The following GPR39 variants were observed in gnomAD, a reference collection of about 807,000 sequenced individuals.
The protein encoded by GPR39 is G protein-coupled receptor 39, also known as zinc sensing receptor.
GPR39 carries 23 observed loss-of-function variants against 18.4 expected under a neutral mutation model. That is an observed-to-expected ratio of 1.25 (90% CI 0.90 to 1.77). GPR39 has a LOEUF of 1.77. GPR39 is among the 40% of genes most tolerant of loss of function. GPR39 has a pLI of 0.00. For missense variants in GPR39, 647 were observed against 602.4 expected, an observed-to-expected ratio of 1.07 and a Z score of -0.78; for synonymous variants, 280 against 257.9, an observed-to-expected ratio of 1.09 and a Z score of -0.82.
At chr2:132,478,356 C>T (rs1681169048) in intron 1 of GPR39, among the ~76,000 whole-genome samples, 1 of 152,130 alleles carries the variant, frequency 6.6e-6, no homozygotes, top group Non-Finnish European at 1.5e-5. Flanking sequence ...GCAAAATAAT[C>T]CATTGATTCA....
intron 1 of GPR39, among the ~76,000 whole-genome samples, chr2:132,491,175 T>C (rs1681453227): frequency 1.3e-5 from 2 of 152,288 alleles, no homozygotes; most frequent in South Asian, 4.2e-4. Context: ...CTAAAAGTAT[T>C]GAACTGGAAC....
intron 1 of GPR39, among the ~76,000 whole-genome samples, chr2:132,535,218 T>G (rs1040434917): frequency 6.6e-6 from 1 of 152,182 alleles, no homozygotes; most frequent in African/African-American, 2.4e-5. Context: ...AAATAGCTCT[T>G]ATTATTTTGA....
At chr2:132,603,957 A>G (rs984737109) in intron 1 of GPR39, among the ~76,000 whole-genome samples, 1 of 152,106 alleles carries the variant, frequency 6.6e-6, no homozygotes, top group Admixed American at 6.5e-5. Context: ...ATGTATGTGC[A>G]CATTTGTGGA....
intron 1 of GPR39, among the ~76,000 whole-genome samples, chr2:132,463,181 C>A (rs1430604622): frequency 6.6e-6 from 1 of 152,064 alleles, no homozygotes; most frequent in Non-Finnish European, 1.5e-5. Context: ...AGAAGATAGG[C>A]AAGTATATAA....
chr2:132,620,544 C>T (rs1681423856), intron 1 of GPR39, among the ~76,000 whole-genome samples: 1 of 152,150 alleles, frequency 6.6e-6, no homozygotes, highest in Non-Finnish European at 1.5e-5. Flanking sequence ...CCCCTCCTTC[C>T]CCCCTGCGTG....
intron 1 of GPR39, among the ~76,000 whole-genome samples, chr2:132,491,775 A>T (rs1049871975): frequency 6.6e-6 from 1 of 151,944 alleles, no homozygotes; most frequent in South Asian, 2.1e-4. Context: ...CCTAGATTCC[A>T]GTCCTAGCTT....
At chr2:132,433,881 C>T (rs1249390222) in intron 1 of GPR39, 1 of 151,458 alleles carries the variant, frequency 6.6e-6, no homozygotes, top group Non-Finnish European at 1.5e-5. Context: ...GCTATAGACT[C>T]TAATATGATT....
chr2:132,599,739 G>C (rs1402435088), intron 1 of GPR39, among the ~76,000 whole-genome samples: 3 of 148,286 alleles, frequency 2.0e-5, no homozygotes, highest in African/African-American at 2.5e-5. Flanking sequence ...CGCCATCTCT[G>C]ATTTCTAGTG....
intron 1 of GPR39, among the ~76,000 whole-genome samples, chr2:132,601,439 C>T (rs932609554): frequency 2.0e-5 from 3 of 151,984 alleles, no homozygotes; most frequent in African/African-American, 7.2e-5. Context: ...CTCTAAAAAA[C>T]ATTAGGTATA....
At chr2:132,599,390 G>T (rs948368786) in intron 1 of GPR39, among the ~76,000 whole-genome samples, 1 of 152,156 alleles carries the variant, frequency 6.6e-6, no homozygotes, top group Non-Finnish European at 1.5e-5. Flanking sequence ...GCCCTATCCT[G>T]TTCTCTCTCC....
chr2:132,511,251 T>C (rs1325638297), intron 1 of GPR39, among the ~76,000 whole-genome samples: 3 of 152,216 alleles, frequency 2.0e-5, no homozygotes, highest in Non-Finnish European at 4.4e-5. Context: ...TTTATAACAC[T>C]TTGGAATTTA....
At chr2:132,519,268 T>TA (rs1395866305) in intron 1 of GPR39, among the ~76,000 whole-genome samples, 4 of 139,822 alleles carry the variant, frequency 2.9e-5, no homozygotes, top group African/African-American at 7.9e-5. Context: ...TGTGGCCTCA[T>TA]AAAAAAAGAA....
In GPR39 at chr2:132,595,028, CA is replaced by C. The variant is rs1680911598; in HGVS notation, c.857-50072del. On this transcript the variant is annotated intron_variant, in intron 1 of 1. Coordinates refer to ENST00000329321, the MANE Select transcript of GPR39 (RefSeq NM_001508.3). ...GTTTCCTTTTTTTGAGACAGAGTTT[CA>C]CTCTTATTGCTCAGGCTGGAGTGCA... Among the ~76,000 whole-genome samples the C allele has an allele frequency of 2.0e-5, 3 of 152,104 alleles. No homozygotes were observed. In the South Asian group the frequency reaches 6.2e-4, roughly 32 times the overall value.
chr2:132,591,439 C>A (rs1300039353), intron 1 of GPR39, among the ~76,000 whole-genome samples: 1 of 152,040 alleles, frequency 6.6e-6, no homozygotes, highest in Admixed American at 6.5e-5. Context: ...GACTCTTGGG[C>A]CACGGACTGA....
chr2:132,575,196 G>C (rs927600399), intron 1 of GPR39, among the ~76,000 whole-genome samples: 1 of 151,966 alleles, frequency 6.6e-6, no homozygotes, highest in Non-Finnish European at 1.5e-5. Flanking sequence ...GTAGTTTTAT[G>C]ACATATAAAA....
chr2:132,424,028 A>G (rs1298117017), intron 1 of GPR39, among the ~76,000 whole-genome samples: 1 of 152,210 alleles, frequency 6.6e-6, no homozygotes, highest in East Asian at 1.9e-4. Flanking sequence ...TGAAAGGGTT[A>G]TGATTCCTCT....
chr2:132,580,807 T>C lies in GPR39; in HGVS notation c.857-64294T>C, dbSNP rs1166366106. Among the ~76,000 whole-genome samples the C allele has an allele frequency of 2.6e-5, 4 of 151,548 alleles. No homozygotes were observed. In the East Asian group the frequency reaches 5.8e-4, roughly 22 times the overall value. On this transcript the variant is annotated intron_variant, in intron 1 of 1. Coordinates refer to ENST00000329321, the MANE Select transcript of GPR39 (RefSeq NM_001508.3). ...TGAAACCCTAACTCTGCTAAAATTA[T>C]AAAAATTTGCCGGGTGTGGTGGTGC...
chr2:132,529,885 A>G (rs541284390), intron 1 of GPR39, among the ~76,000 whole-genome samples: 17 of 152,312 alleles, frequency 1.1e-4, no homozygotes, highest in Admixed American at 9.1e-4. Context: ...AAGGTAGATA[A>G]AACCACAAAG....
At chr2:132,630,948 C>A (rs576768940) in intron 1 of GPR39, among the ~76,000 whole-genome samples, 1 of 152,270 alleles carries the variant, frequency 6.6e-6, no homozygotes, top group Admixed American at 6.5e-5. Flanking sequence ...TATAGATAAG[C>A]TCTCCAAGCT....
Sources: gnomAD v4.1 joint callset for allele counts (sites outside exome capture counted in the v4.1 genomes callset) on GRCh38, gnomAD v4.1.1 for gene constraint, MANE v1.5 for transcripts, NCBI Gene and HGNC (gene_info 2026-07-23, HGNC 2026-07-21) for gene names.